Variants in CEP128 observed in about 807,000 individuals in gnomAD.
CEP128 encodes the protein centrosomal protein 128kDa.
Under a neutral mutation model 156.7 loss-of-function variants are expected in CEP128, and 132 were observed. That is an observed-to-expected ratio of 0.84 (90% confidence interval 0.73 to 0.97). CEP128 has a LOEUF of 0.97. Ranked by LOEUF, CEP128 falls within the 50% of genes least tolerant of loss-of-function variation. The pLI is 0.00. For synonymous variants in CEP128, 469 were observed against 448.9 expected (o/e 1.04, Z -0.57); for missense variants, 1,252 against 1,281.9 (o/e 0.98, Z 0.36).
At chr14:80,951,329 C>T (rs1038815538) in intron 2 of CEP128, among the ~76,000 whole-genome samples, 6 of 151,790 alleles carry the variant, frequency 4.0e-5, no homozygotes, top group East Asian at 1.9e-4. Context: ...AAATGTATGG[C>T]GATGGAAGCA....
Position 80,919,553 on chromosome 14 carries a change from G to A in CEP128, c.-15-2991C>T, listed in dbSNP as rs558174665. On this transcript the variant is annotated intron_variant, in intron 2 of 24. Coordinates refer to ENST00000555265, the MANE Select transcript of CEP128 (RefSeq NM_152446.5). ...CATGATTTCATGTATAACTCTCCAG[G>A]CTATGTTTTTATACTGTTCCCATAG... Among the ~76,000 whole-genome samples, 4 of 152,050 alleles carry A rather than the reference G, an allele frequency of 2.6e-5. 1 individual carries two copies. The South Asian group carries it at 8.3e-4, about 32-fold the overall frequency.
chr14:80,846,138 CAT>C, intron 9 of CEP128, among the ~76,000 whole-genome samples: 1 of 152,186 alleles, frequency 6.6e-6, no homozygotes, highest in South Asian at 2.1e-4. Flanking sequence ...TTGGCAAGAA[CAT>C]ATAAGTACAC....
Position 80,756,914 on chromosome 14 carries a change from T to A in CEP128, c.2591A>T (p.His864Leu). The change falls in exon 18 of 25, where the codon CAT (histidine) becomes CTT (leucine). Residue 864 changes from histidine to leucine, a missense_variant. By Grantham distance (99) the His-to-Leu change is moderately conservative (BLOSUM62 -3). Coordinates refer to ENST00000555265, the MANE Select transcript of CEP128 (RefSeq NM_152446.5). ...TACCTTGCTTTCTGCTAACCAGCGATGTGGGTCATAATGTATATCAGGACC... is the reference window on the plus strand; with the variant it reads ...TACCTTGCTTTCTGCTAACCAGCGAAGTGGGTCATAATGTATATCAGGACC... ...SSGPDIHYDP[H>L]RWLAESKTKL... 5 of 1,600,906 alleles carry A rather than the reference T, an allele frequency of 3.1e-6. No individual in the cohort carries two copies. The highest frequency in any genetic ancestry group is 4.3e-6 in the Non-Finnish European group (5 of 1,169,598).
intron 12 of CEP128, among the ~76,000 whole-genome samples, chr14:80,833,450 C>A (rs2140053990): frequency 6.6e-6 from 1 of 151,282 alleles, no homozygotes; most frequent in South Asian, 2.1e-4. Flanking sequence ...AAACATTTCC[C>A]AAAAAAGTTA....
At chr14:80,946,945 G>C (rs146070874) in intron 2 of CEP128, among the ~76,000 whole-genome samples, 26 of 152,226 alleles carry the variant, frequency 1.7e-4, no homozygotes, top group African/African-American at 6.3e-4. Flanking sequence ...CACAAGAACT[G>C]TTGTTTAAAA....
intron 3 of CEP128, among the ~76,000 whole-genome samples, chr14:80,915,459 T>C (rs1213588611): frequency 4.6e-5 from 7 of 152,238 alleles, no homozygotes; most frequent in Non-Finnish European, 2.9e-5. Context: ...AATCCATTCT[T>C]AGCCAGGCTA....
At chr14:80,955,990 G>A in intron 2 of CEP128, 1 of 1,016,976 alleles carries the variant, frequency 9.8e-7, no homozygotes, top group South Asian at 1.4e-5. Context: ...GTCTGTGTGT[G>A]TAGATGTGTG....
At position 80,885,219 on chromosome 14, in the gene CEP128, C is replaced by T. The variant is rs184372171; in HGVS notation, c.645+10499G>A. Among the ~76,000 whole-genome samples, 1,236 of 152,254 alleles carry T rather than the reference C, an allele frequency of 8.1e-3. 11 individuals carry two copies. Among genetic ancestry groups the T allele is most frequent in the Non-Finnish European group, 0.01 (683 of 68,006 alleles). ...CACAGCTTCAGCAGACTTAAACGTTCCTGCCTGCTGGCTCTGAAGAGAGCA... is the reference window on the plus strand; with the variant it reads ...CACAGCTTCAGCAGACTTAAACGTTTCTGCCTGCTGGCTCTGAAGAGAGCA... On this transcript the variant is annotated intron_variant, in intron 8 of 24. Coordinates refer to ENST00000555265, the MANE Select transcript of CEP128 (RefSeq NM_152446.5).
Position 80,768,455 on chromosome 14 carries a change from AT to A in CEP128, c.2377-6843del, listed in dbSNP as rs144568891. ...GGAACACTATGATTTCTACTCTAAG[AT>A]TGGTTTCTAAAACAAAAATGCTACC... On this transcript the variant is annotated intron_variant, in intron 16 of 24. Transcript: ENST00000555265. Among the ~76,000 whole-genome samples, 1,084 of 152,304 alleles carry A rather than the reference AT, an allele frequency of 7.1e-3. 14 individuals carry two copies. The highest frequency in any genetic ancestry group is 0.024 in the African/African-American group (1,011 of 41,574).
chr14:80,884,866 C>T (rs1038830530), intron 8 of CEP128, among the ~76,000 whole-genome samples: 2 of 152,156 alleles, frequency 1.3e-5, no homozygotes, highest in African/African-American at 2.4e-5. Flanking sequence ...TCTCACTCAG[C>T]GGGTCCCACT....
intron 8 of CEP128, among the ~76,000 whole-genome samples, chr14:80,880,879 AT>A (rs1888509770): frequency 2.9e-5 from 4 of 137,696 alleles, no homozygotes; most frequent in Admixed American, 2.2e-4. Flanking sequence ...AATAATAATA[AT>A]AATAATAATA....
intron 11 of CEP128, among the ~76,000 whole-genome samples, chr14:80,836,809 A>G (rs1886101507): frequency 6.6e-6 from 1 of 152,214 alleles, no homozygotes; most frequent in African/African-American, 2.4e-5. Context: ...TTGAAGTCAG[A>G]AACTGATTTG....
At chr14:80,653,521 A>G (rs111839468) in intron 19 of CEP128, among the ~76,000 whole-genome samples, 29 of 152,278 alleles carry the variant, frequency 1.9e-4, no homozygotes, top group African/African-American at 6.7e-4. Flanking sequence ...CTATACAGGC[A>G]TATAGCCTTA....
At chr14:80,699,159 C>G (rs1896986056) in intron 19 of CEP128, among the ~76,000 whole-genome samples, 1 of 152,132 alleles carries the variant, frequency 6.6e-6, no homozygotes, top group African/African-American at 2.4e-5. Flanking sequence ...AGTACAATGC[C>G]TTAGGGATAC....
At chr14:80,931,451 C>T (rs1885460993) in intron 2 of CEP128, among the ~76,000 whole-genome samples, 2 of 152,182 alleles carry the variant, frequency 1.3e-5, no homozygotes, top group African/African-American at 4.8e-5. Flanking sequence ...CATGTCTGTT[C>T]TTGCAGCTCT....
chr14:80,653,799 G>T (rs1295649260), intron 19 of CEP128, among the ~76,000 whole-genome samples: 1 of 152,100 alleles, frequency 6.6e-6, no homozygotes, highest in Non-Finnish European at 1.5e-5. Flanking sequence ...ATTGTGAGAT[G>T]TGACCCATTA....
chr14:80,560,058 A>C (rs1357385759), intron 20 of CEP128, among the ~76,000 whole-genome samples: 1 of 152,184 alleles, frequency 6.6e-6, no homozygotes, highest in Non-Finnish European at 1.5e-5. Flanking sequence ...GCAGAGTGTG[A>C]AGATCTAAGA....
rs993806254 is a variant in CEP128 at position 80,608,029 on chromosome 14, G to C, written c.2807-27606C>G. Among the ~76,000 whole-genome samples, 36 of 152,066 alleles carry C rather than the reference G, an allele frequency of 2.4e-4. 2 individuals carry two copies. The highest frequency in any genetic ancestry group is 2.2e-3 in the Admixed American group (34 of 15,260). ...ATCGCCTCAGGGCCTTTGCTGCAAC[G>C]AGTTCTTCTGCCTAGAACACACTTT... On this transcript the variant is annotated intron_variant, in intron 19 of 24. Coordinates refer to ENST00000555265, the MANE Select transcript of CEP128 (RefSeq NM_152446.5).
intron 19 of CEP128, among the ~76,000 whole-genome samples, chr14:80,722,164 G>A (rs779269062): frequency 6.6e-6 from 1 of 152,220 alleles, no homozygotes; most frequent in South Asian, 2.1e-4. Context: ...CTTTGGAGCC[G>A]AAGATAGCCA....
Sources: allele counts gnomAD v4.1 joint callset (sites outside exome capture counted in the v4.1 genomes callset), GRCh38; gene constraint gnomAD v4.1.1; transcripts MANE v1.5; gene names NCBI Gene and HGNC (gene_info 2026-07-23, HGNC 2026-07-21).